Variants in MTRES1 observed in about 807,000 individuals in gnomAD.
The protein encoded by MTRES1 is uncharacterized protein C6orf203.
Under a neutral mutation model 17.4 loss-of-function variants are expected in MTRES1, and 11 were observed. The observed-to-expected ratio is 0.63, with a 90% CI of 0.40 to 1.05. The LOEUF (loss-of-function observed/expected upper bound fraction) is 1.05, where lower values mean the gene tolerates loss of function less well. MTRES1 is among the 50% of genes least tolerant of loss of function. The pLI, the probability that MTRES1 is intolerant of heterozygous loss-of-function variation, is 0.00. For missense variants in MTRES1, 268 were observed against 276.2 expected (o/e 0.97, Z 0.21); for synonymous variants, 94 against 99.6 (o/e 0.94, Z 0.34).
intron 1 of MTRES1, among the ~76,000 whole-genome samples, chr6:107,029,274 G>A (rs1166371608): frequency 1.3e-5 from 2 of 150,100 alleles, no homozygotes; most frequent in Non-Finnish European, 1.5e-5. Flanking sequence ...TGCAAGCTCC[G>A]CCTCCCGGGT....
chr6:107,042,684 A>T (rs1166456480), intron 2 of MTRES1, among the ~76,000 whole-genome samples: 1 of 152,164 alleles, frequency 6.6e-6, no homozygotes, highest in African/African-American at 2.4e-5. Context: ...GCCTTGCCAT[A>T]CATGTGGTGC....
intron 2 of MTRES1, 65 bp from the exon 3 acceptor site, chr6:107,044,195 A>G (rs1774314411): frequency 4.5e-6 from 5 of 1,107,360 alleles, no homozygotes; most frequent in Non-Finnish European, 6.9e-6. Context: ...TATAGTGATG[A>G]AGTCTGGGCT....
At chr6:107,037,735 T>C (rs537733953) in intron 1 of MTRES1, among the ~76,000 whole-genome samples, 1 of 151,590 alleles carries the variant, frequency 6.6e-6, no homozygotes, top group South Asian at 2.1e-4. Context: ...TATTTTATTT[T>C]TGAGACAGAG....
chr6:107,035,029 T>A lies in MTRES1; in HGVS notation c.-12-4720T>A, dbSNP rs191069655. ...TGACCTTGGGATCCTAGCCCTGTCA[T>A]TTACTAGCTGTGCCACTTAGCGTAT... On this transcript the variant is annotated intron_variant, in intron 1 of 3. Coordinates refer to ENST00000311381, the MANE Select transcript of MTRES1 (RefSeq NM_016487.5). 3.3e-5 allele frequency among the ~76,000 whole-genome samples: 5 copies of A among 152,234 alleles called. No individual in the cohort carries two copies. The East Asian group carries it at 5.8e-4, about 18-fold the overall frequency.
intron 1 of MTRES1, among the ~76,000 whole-genome samples, chr6:107,031,593 C>T (rs1773844048): frequency 6.8e-6 from 1 of 146,956 alleles, no homozygotes; most frequent in Non-Finnish European, 1.5e-5. Context: ...CAGATGCCTG[C>T]CATCGTGCCC....
At chr6:107,049,604 G>A (rs1474756660) in intron 3 of MTRES1, among the ~76,000 whole-genome samples, 17 of 151,748 alleles carry the variant, frequency 1.1e-4, no homozygotes, top group African/African-American at 3.6e-4. Context: ...TAGTAGAGAC[G>A]GGGTTTCACC....
chr6:107,050,752 T>C (rs1277517142), intron 3 of MTRES1, among the ~76,000 whole-genome samples: 1 of 152,010 alleles, frequency 6.6e-6, no homozygotes, highest in African/African-American at 2.4e-5. Context: ...AATTTTTTTA[T>C]TTTTAGTAGA....
At chr6:107,044,157 A>G in intron 2 of MTRES1, 103 bp from the exon 3 acceptor site, 1 of 742,854 alleles carries the variant, frequency 1.3e-6, no homozygotes, top group Non-Finnish European at 2.3e-6. Context: ...TGAGGGTACA[A>G]GTGTAGTTTT....
At chr6:107,040,315 T>C (rs1388912116) in intron 2 of MTRES1, 85 bp downstream of exon 2, 1 of 1,265,760 alleles carries the variant, frequency 7.9e-7, no homozygotes, top group South Asian at 1.7e-5. Context: ...GCCCATATTA[T>C]GGTGAAGAAT....
intron 3 of MTRES1, 111 bp downstream of exon 3, chr6:107,044,443 TC>T: frequency 1.3e-6 from 1 of 771,556 alleles, no homozygotes; most frequent in Non-Finnish European, 2.2e-6. Flanking sequence ...TTCTCTGAGG[TC>T]CTTTGTGGTC....
intron 1 of MTRES1, among the ~76,000 whole-genome samples, chr6:107,032,754 C>G (rs1773886198): frequency 6.6e-6 from 1 of 152,142 alleles, no homozygotes; most frequent in Non-Finnish European, 1.5e-5. Context: ...CCTCATTCAT[C>G]CTTGAATGAG....
At chr6:107,033,804 C>T (rs1364980147) in intron 1 of MTRES1, among the ~76,000 whole-genome samples, 1 of 152,012 alleles carries the variant, frequency 6.6e-6, no homozygotes, top group Non-Finnish European at 1.5e-5. Flanking sequence ...GGCGACAGAA[C>T]AAGACTCCGT....
rs905631566 is a variant in MTRES1, at chr6:107,028,919, C to T, written c.-13+648C>T. The T allele has an allele frequency of 1.1e-5, 11 of 978,792 alleles. No homozygotes were observed. In the South Asian group the frequency reaches 1.4e-4, roughly 13 times the overall value. The allele number at this position is 978,792 out of a possible 1,614,324, so 60.6% of individuals were successfully genotyped here. On this transcript the variant is annotated intron_variant, in intron 1 of 3. Transcript: ENST00000311381. ...AAAGAGATCTTTTAAAATGAACTTC[C>T]ATCAGGTCACTTCCCAGGGTCCATC...
intron 3 of MTRES1, among the ~76,000 whole-genome samples, chr6:107,049,408 C>CTTTTTT: frequency 1.0e-5 from 1 of 99,358 alleles, no homozygotes; most frequent in Non-Finnish European, 1.9e-5. Context: ...TATGGCCCTT[C>CTTTTTT]TTTTTTTTTT....
chr6:107,051,154 A>G lies in MTRES1; in HGVS notation c.641A>G (p.Glu214Gly). The G allele has an allele frequency of 1.2e-6, 2 of 1,614,194 alleles. No individual in the cohort carries two copies. Among genetic ancestry groups the G allele is most frequent in the Non-Finnish European group, 1.7e-6 (2 of 1,180,008 alleles). Residue 214 changes from glutamate (E) to glycine (G), a missense_variant, in exon 4 of 4, where the codon GAG becomes GGG. Physicochemically the swap from Glu to Gly is moderately conservative, Grantham distance 98 (BLOSUM62 -2). Transcript: ENST00000311381. ...ATTCTCTTGAAAAAAGTGTTTGAAGAGAAGACTGAAAGTGAAAAATACAGA... is the reference window on the plus strand; with the variant it reads ...ATTCTCTTGAAAAAAGTGTTTGAAGGGAAGACTGAAAGTGAAAAATACAGA... The part of the protein sequence containing the change: ...MRILLKKVFE[E>G]KTESEKYRVV...
intron 3 of MTRES1, among the ~76,000 whole-genome samples, chr6:107,050,796 C>T (rs1359897976): frequency 1.3e-5 from 2 of 151,884 alleles, no homozygotes; most frequent in Non-Finnish European, 2.9e-5. Flanking sequence ...AGGCTGGTCT[C>T]GAACTCCTGA....
chr6:107,051,177 A>G lies in MTRES1; in HGVS notation c.664A>G (p.Arg222Gly). ...FEEKTESEKYRVVLRRWKSLK... is the reference protein window; with the variant it reads ...FEEKTESEKYGVVLRRWKSLK... Reference sequence around the variant, plus strand: ...AGAGAAGACTGAAAGTGAAAAATACAGAGTGGTGTTACGGCGGTGGAAAAG... The same window carrying G: ...AGAGAAGACTGAAAGTGAAAAATACGGAGTGGTGTTACGGCGGTGGAAAAG... Residue 222 changes from arginine (R) to glycine (G), a missense_variant, in exon 4 of 4, where the codon AGA becomes GGA. Physicochemically the swap from Arg to Gly is moderately radical, Grantham distance 125. Coordinates refer to ENST00000311381, the MANE Select transcript of MTRES1 (RefSeq NM_016487.5). 1.2e-6 allele frequency: 2 copies of G among 1,614,200 alleles called. No individual in the cohort carries two copies. The highest frequency in any genetic ancestry group is 8.5e-7 in the Non-Finnish European group (1 of 1,180,030).
At chr6:107,047,048 TGCCTCG>T (rs1554228492) in intron 3 of MTRES1, among the ~76,000 whole-genome samples, 2 of 151,612 alleles carry the variant, frequency 1.3e-5, no homozygotes, top group Admixed American at 1.3e-4. Flanking sequence ...GTGATCCACC[TGCCTCG>T]GCCTCCCAAA....
chr6:107,051,221 G>A lies in MTRES1; in HGVS notation c.708G>A (p.Lys236=). Residue 236 remains lysine, a synonymous_variant, in exon 4 of 4, where the codon AAG becomes AAA. Transcript: ENST00000311381. ...RRWKSLKLPK[K]RMSK Reference sequence around the variant, plus strand: ...GGAAAAGTTTAAAGTTGCCTAAGAAGAGAATGTCTAAATAAATGGATTGCT... The same window carrying A: ...GGAAAAGTTTAAAGTTGCCTAAGAAAAGAATGTCTAAATAAATGGATTGCT... 5 of 1,613,300 alleles carry A rather than the reference G, an allele frequency of 3.1e-6. No individual in the cohort carries two copies. Among genetic ancestry groups the A allele is most frequent in the Non-Finnish European group, 4.2e-6 (5 of 1,179,666 alleles).
Sources: gnomAD v4.1 joint callset for allele counts (sites outside exome capture counted in the v4.1 genomes callset) on GRCh38, gnomAD v4.1.1 for gene constraint, MANE v1.5 for transcripts, NCBI Gene and HGNC (gene_info 2026-07-23, HGNC 2026-07-21) for gene names.